NFATC2: variants seen among roughly 807,000 people sequenced by gnomAD.
NFATC2 encodes the protein nuclear factor of activated T-cells, cytoplasmic 2.
A neutral mutation model predicts 87.3 loss-of-function variants in NFATC2; 22 were observed. The ratio of observed to expected loss-of-function variants is 0.25; its 90% CI spans 0.18 to 0.36. NFATC2 has a LOEUF of 0.36. NFATC2 is among the 10% of genes least tolerant of loss of function. NFATC2 has a pLI of 1.00. For synonymous variants in NFATC2, 565 were observed against 542.2 expected (o/e 1.04, Z -0.58); for missense variants, 1,149 against 1,259.1 (o/e 0.91, Z 1.32).
In NFATC2 at chr20:51,390,425, C is replaced by G. The variant is rs897396634; in HGVS notation, c.*1071G>C. The G allele has an allele frequency of 6.6e-6, 1 of 152,194 alleles. No homozygotes were observed. Among genetic ancestry groups the G allele is most frequent in the African/African-American group, 2.4e-5 (1 of 41,448 alleles). The allele number at this position is 152,194 out of a possible 1,614,324, so 9.4% of individuals were successfully genotyped here. A position where few individuals can be genotyped will look rare whatever the true frequency, so the allele number is the denominator to read the frequency against. On this transcript the variant is annotated 3_prime_UTR_variant, in exon 11 of 11. Coordinates refer to ENST00000371564, the MANE Select transcript of NFATC2 (RefSeq NM_012340.5). ...ACTTCTTTTCTTGGTTGCTTTAGCC[C>G]TTCTGCTATTCCTCAATTAAATGCA... is the stretch of plus-strand genomic sequence containing the variant.
At chr20:51,540,663 T>TTTTGTTTG (rs1555818360) in intron 1 of NFATC2, among the ~76,000 whole-genome samples, 1 of 135,692 alleles carries the variant, frequency 7.4e-6, no homozygotes, top group Admixed American at 7.2e-5. Context: ...TTTTTGTTTT[T>TTTTGTTTG]TTTTTTTTGA....
At chr20:51,474,973 T>A (rs1988580147) in intron 4 of NFATC2, among the ~76,000 whole-genome samples, 1 of 138,114 alleles carries the variant, frequency 7.2e-6, no homozygotes, top group Non-Finnish European at 1.5e-5. Context: ...CTTTATTTAT[T>A]TTTTTTTTTT....
intron 1 of NFATC2, among the ~76,000 whole-genome samples, chr20:51,536,613 A>G (rs1452390299): frequency 6.6e-6 from 1 of 152,230 alleles, no homozygotes; most frequent in Non-Finnish European, 1.5e-5. Context: ...ATCAAAATCT[A>G]TGCCACCAAA....
intron 1 of NFATC2, among the ~76,000 whole-genome samples, chr20:51,532,378 CG>C (rs1048338841): frequency 1.1e-4 from 16 of 152,026 alleles, no homozygotes; most frequent in African/African-American, 3.1e-4. Flanking sequence ...TCCTGGATGG[CG>C]ACACCCTGAC....
Position 51,523,698 on chromosome 20 carries a change from G to A in NFATC2, c.543C>T (p.Asp181=), listed in dbSNP as rs763557101. 5 of 1,612,870 alleles carry A rather than the reference G, an allele frequency of 3.1e-6. No individual in the cohort carries two copies. In the Admixed American group the frequency reaches 8.4e-5, roughly 27 times the overall value. ...SSGSSASFIS[D]TFSPYTSPCV... ...AGGGCGAGGTGTAGGGGGAGAAGGTGTCAGAAATGAAGCTGGCAGAGGAGC... is the reference window on the plus strand; with the variant it reads ...AGGGCGAGGTGTAGGGGGAGAAGGTATCAGAAATGAAGCTGGCAGAGGAGC... Residue 181 remains aspartate (D), a synonymous_variant, in exon 2 of 11, where the codon GAC becomes GAT. Transcript: ENST00000371564. This position sits in a 1 kb window ranked among gnomAD's most constrained non-coding sequence, Gnocchi z 6.9.
At chr20:51,451,998 C>A (rs1985845843) in intron 6 of NFATC2, among the ~76,000 whole-genome samples, 2 of 152,168 alleles carry the variant, frequency 1.3e-5, no homozygotes. Context: ...AAACCATCAG[C>A]CCATCTCCCC....
upstream of NFATC2, chr20:51,562,746 A>G: frequency 1.0e-6 from 1 of 976,702 alleles, no homozygotes; most frequent in Non-Finnish European, 1.5e-6. This position sits in a 1 kb window ranked among gnomAD's most constrained non-coding sequence, Gnocchi z 5.8. Flanking sequence ...CTGGCCGAGG[A>G]GCCTCGGAGC....
At chr20:51,404,171 T>C (rs1200742546) in intron 9 of NFATC2, among the ~76,000 whole-genome samples, 1 of 152,184 alleles carries the variant, frequency 6.6e-6, no homozygotes, top group Admixed American at 6.5e-5. Context: ...CTCTGTTTCT[T>C]GCAGCCAACA....
At chr20:51,464,742 GA>G in intron 5 of NFATC2, among the ~76,000 whole-genome samples, 1 of 152,220 alleles carries the variant, frequency 6.6e-6, no homozygotes, top group Non-Finnish European at 1.5e-5. Flanking sequence ...GATTTATAAT[GA>G]GATGATGCCA....
In NFATC2 at chr20:51,435,760, A is replaced by G. The variant is rs757473224; in HGVS notation, c.1851T>C (p.Asp617=). The G allele has an allele frequency of 3.1e-6, 5 of 1,600,006 alleles. No individual in the cohort carries two copies. The Admixed American group carries it at 6.8e-5, about 22-fold the overall frequency. Residue 617 remains aspartate, a splice_region_variant and synonymous_variant, in exon 7 of 11, where the codon GAT becomes GAC. Coordinates refer to ENST00000371564, the MANE Select transcript of NFATC2 (RefSeq NM_012340.5). ...SKVVFTEKTT[D]GQQIWEMEAT... ...CTTCCATCTCCCAAATTTGCTGTCC[A>G]TCTAGAAAAATTCAAAAATGACAGA...
chr20:51,466,049 C>G (rs1987651255), intron 5 of NFATC2, among the ~76,000 whole-genome samples: 1 of 152,054 alleles, frequency 6.6e-6, no homozygotes, highest in South Asian at 2.1e-4. Flanking sequence ...ATTCAGGCCT[C>G]CCTAATTCTT....
intron 9 of NFATC2, among the ~76,000 whole-genome samples, chr20:51,414,221 A>G (rs1979705115): frequency 6.6e-6 from 1 of 152,152 alleles, no homozygotes; most frequent in Non-Finnish European, 1.5e-5. Context: ...AAGTCACAGC[A>G]TTTGTCCTCA....
intron 3 of NFATC2, among the ~76,000 whole-genome samples, chr20:51,477,573 AT>A (rs1568667343): frequency 0.042 from 3,612 of 87,006 alleles, 65 homozygotes; most frequent in Middle Eastern, 0.11. Context: ...ATATATATAT[AT>A]ATATATAAAA....
intron 6 of NFATC2, among the ~76,000 whole-genome samples, chr20:51,443,006 C>CT (rs1055919206): frequency 6.6e-6 from 1 of 152,160 alleles, no homozygotes; most frequent in Non-Finnish European, 1.5e-5. Flanking sequence ...CCCAGCTTTC[C>CT]TCCCCTGATT....
chr20:51,540,703 T>C (rs2076803592), intron 1 of NFATC2, among the ~76,000 whole-genome samples: 1 of 135,604 alleles, frequency 7.4e-6, no homozygotes, highest in African/African-American at 2.9e-5. Flanking sequence ...TTCATTGTGG[T>C]CATTTAGATA....
In NFATC2 at chr20:51,413,733, G is replaced by A. The variant is rs146253228; in HGVS notation, c.2723-15003C>T. On this transcript the variant is annotated intron_variant, in intron 9 of 10. Transcript: ENST00000371564. ...GGTGGCACCAGTGCACTCCAGCCTC[G>A]GTGACAGAGCAAGACCCTGTCCCCT... Among the ~76,000 whole-genome samples the A allele has an allele frequency of 6.0e-4, 92 of 152,126 alleles. 1 individual carries two copies. The highest frequency in any genetic ancestry group is 1.1e-3 in the Non-Finnish European group (73 of 67,992).
At chr20:51,561,431 AAAAGAAAGAAAGAAAGAAAGAAAGAAAG>A (rs1184978605) in intron 1 of NFATC2, among the ~76,000 whole-genome samples, 2 of 110,178 alleles carry the variant, frequency 1.8e-5, no homozygotes, top group South Asian at 3.3e-4. Context: ...AGAGAGAAAG[AAAAGAAAGAAAGAAAGAAAGAAAGAAAG>A]AAAGAAAGAA....
chr20:51,523,988 G>A lies in NFATC2; in HGVS notation c.253C>T (p.Arg85Ter). The A allele has an allele frequency of 6.4e-7, 1 of 1,571,600 alleles. No homozygotes were observed. Among genetic ancestry groups the A allele is most frequent in the East Asian group, 2.3e-5 (1 of 44,274 alleles). ...LASLSGEPPGRFGEPDRVGPQ... is the reference protein window; with the variant it reads ...LASLSGEPPG ...CCTACCCTATCCGGCTCTCCGAATC[G>A]GCCGGGGGGCTCGCCAGAGAGACTA... Residue 85 changes from arginine to a stop codon, truncating the protein, a stop_gained, in exon 2 of 11, where the codon CGA becomes TGA. Transcript: ENST00000371564. LOFTEE classifies it high-confidence loss of function. The surrounding 1 kb of genome is among the most constrained non-coding windows in gnomAD (Gnocchi z 6.9).
chr20:51,458,350 C>A (rs762118045), intron 5 of NFATC2, among the ~76,000 whole-genome samples: 3 of 152,228 alleles, frequency 2.0e-5, no homozygotes, highest in East Asian at 1.9e-4. Context: ...CCCTACCCCC[C>A]AGCTGTGACA....
Sources: gnomAD v4.1 joint callset for allele counts (sites outside exome capture counted in the v4.1 genomes callset) on GRCh38, gnomAD v4.1.1 for gene constraint, Gnocchi (gnomAD v3.1) non-coding constraint, MANE v1.5 for transcripts, NCBI Gene and HGNC (gene_info 2026-07-23, HGNC 2026-07-21) for gene names.